The following PEX14 variants were observed in gnomAD, a reference collection of about 807,000 sequenced individuals.
PEX14 encodes peroxisomal biogenesis factor 14.
A neutral mutation model predicts 49.5 loss-of-function variants in PEX14; 15 were observed. The ratio of observed to expected loss-of-function variants is 0.30; its 90% CI spans 0.20 to 0.47. The LOEUF is 0.47. PEX14 is among the 20% of genes least tolerant of loss of function. The pLI, the probability that PEX14 is intolerant of heterozygous loss-of-function variation, is 1.00. For synonymous variants in PEX14, 210 were observed against 212.7 expected, an observed-to-expected ratio of 0.99 and a Z score of 0.11; for missense variants, 398 against 494.8, an observed-to-expected ratio of 0.80 and a Z score of 1.86.
At chr1:10,536,450 G>T (rs920915129) in intron 3 of PEX14, 153 bp downstream of exon 3, 13 of 667,854 alleles carry the variant, frequency 1.9e-5, no homozygotes, top group Admixed American at 1.5e-4. Context: ...CCCCCAGTGG[G>T]GCATGCAGGT....
chr1:10,593,266 A>G (rs1640723430), intron 3 of PEX14, among the ~76,000 whole-genome samples: 1 of 152,204 alleles, frequency 6.6e-6, no homozygotes, highest in Admixed American at 6.5e-5. Context: ...GCTGAGAATT[A>G]TCTTCTTGGT....
At chr1:10,479,579 A>G (rs1641250898) in intron 1 of PEX14, among the ~76,000 whole-genome samples, 1 of 152,194 alleles carries the variant, frequency 6.6e-6, no homozygotes. Context: ...GCATGGTTCA[A>G]TCTGATTACT....
chr1:10,578,175 GACTA>G (rs1408408467), intron 3 of PEX14, among the ~76,000 whole-genome samples: 1 of 152,162 alleles, frequency 6.6e-6, no homozygotes, highest in African/African-American at 2.4e-5. Context: ...TCACATGCTA[GACTA>G]ACTGCTGAAC....
At chr1:10,598,049 G>A (rs1382367490) in intron 3 of PEX14, among the ~76,000 whole-genome samples, 1 of 152,272 alleles carries the variant, frequency 6.6e-6, no homozygotes, top group Non-Finnish European at 1.5e-5. Context: ...CTACCCCCAG[G>A]GGCAAATATA....
At chr1:10,483,775 A>G (rs560925726) in intron 1 of PEX14, among the ~76,000 whole-genome samples, 1 of 151,710 alleles carries the variant, frequency 6.6e-6, no homozygotes, top group Admixed American at 6.6e-5. Flanking sequence ...AAACCTGTGT[A>G]ACCACCACTG....
intron 3 of PEX14, among the ~76,000 whole-genome samples, chr1:10,573,316 G>T (rs1049399661): frequency 2.0e-5 from 3 of 152,168 alleles, no homozygotes; most frequent in East Asian, 1.9e-4. Context: ...AAGTATACAG[G>T]CTGGGCGCAG....
rs146984274 is a variant in PEX14 at position 10,545,134 on chromosome 1, C to T, written c.169+8837C>T. Among the ~76,000 whole-genome samples the T allele has an allele frequency of 4.9e-3, 743 of 152,132 alleles. 8 individuals carry two copies. The highest frequency in any genetic ancestry group is 0.017 in the African/African-American group (707 of 41,494). On this transcript the variant is annotated intron_variant, in intron 3 of 8. Coordinates refer to ENST00000356607, the MANE Select transcript of PEX14 (RefSeq NM_004565.3). The stretch of plus-strand genomic sequence containing the variant: ...TGTAATTTTTTTTGTTCTGGCTTTT[C>T]CACTCAGCATAATTACTTTGAAGTT...
At chr1:10,622,023 C>T (rs900512571) in intron 5 of PEX14, among the ~76,000 whole-genome samples, 2 of 152,166 alleles carry the variant, frequency 1.3e-5, no homozygotes, top group South Asian at 4.2e-4. Flanking sequence ...GGGTCTCACT[C>T]CTCACCTGGG....
At chr1:10,546,843 T>C (rs1639191117) in intron 3 of PEX14, among the ~76,000 whole-genome samples, 1 of 152,022 alleles carries the variant, frequency 6.6e-6, no homozygotes, top group Admixed American at 6.6e-5. Context: ...CACTCCAGCC[T>C]GGGTGACAGA....
intron 4 of PEX14, among the ~76,000 whole-genome samples, chr1:10,607,373 T>C (rs1237385730): frequency 6.6e-6 from 1 of 152,248 alleles, no homozygotes; most frequent in African/African-American, 2.4e-5. Flanking sequence ...TACAAGTCTT[T>C]GTATGTTTTT....
At chr1:10,553,630 G>T (rs893150704) in intron 3 of PEX14, among the ~76,000 whole-genome samples, 1 of 133,174 alleles carries the variant, frequency 7.5e-6, no homozygotes, top group Non-Finnish European at 1.7e-5. Flanking sequence ...CTCTGCCTCT[G>T]GTAAAGTCTG....
rs964230480 is a variant in PEX14, at chr1:10,539,332, A to G, written c.169+3035A>G. Among the ~76,000 whole-genome samples the G allele has an allele frequency of 1.3e-5, 2 of 152,164 alleles. No individual in the cohort carries two copies. The highest frequency in any genetic ancestry group is 2.9e-5 in the Non-Finnish European group (2 of 68,018). On this transcript the variant is annotated intron_variant, in intron 3 of 8. Coordinates refer to ENST00000356607, the MANE Select transcript of PEX14 (RefSeq NM_004565.3). This position sits in a 1 kb window ranked among gnomAD's most constrained non-coding sequence, Gnocchi z 4.6. ...TTTAAAATCTGAACATGGAGCCATT[A>G]ATGAGAAACGTGAAGTTATTAGAAT...
At chr1:10,622,508 G>A (rs987915514) in intron 5 of PEX14, among the ~76,000 whole-genome samples, 1 of 152,156 alleles carries the variant, frequency 6.6e-6, no homozygotes, top group Non-Finnish European at 1.5e-5. Flanking sequence ...TTTCTCCAGC[G>A]ATGTTTTGTT....
intron 3 of PEX14, among the ~76,000 whole-genome samples, chr1:10,565,177 C>T (rs1639767529): frequency 6.6e-6 from 1 of 152,238 alleles, no homozygotes; most frequent in Non-Finnish European, 1.5e-5. Context: ...GCTGGGATTA[C>T]AGGCATGAGC....
chr1:10,483,320 TC>T (rs1299361160), intron 1 of PEX14, among the ~76,000 whole-genome samples: 3 of 151,998 alleles, frequency 2.0e-5, no homozygotes, highest in Non-Finnish European at 4.4e-5. Context: ...GCCAAGTTTT[TC>T]TTTTTTTCTT....
chr1:10,514,603 A>G lies in PEX14; in HGVS notation c.84+19282A>G, dbSNP rs1056910065. Among the ~76,000 whole-genome samples, 7 of 152,198 alleles carry G rather than the reference A, an allele frequency of 4.6e-5. No homozygotes were observed. Among genetic ancestry groups the G allele is most frequent in the South Asian group, 2.1e-4 (1 of 4,828 alleles). ...TCAGTTGGGATTGAACTAATAGGCCATTGGGTGTCACTGTCGCTCTACTGG... is the reference window on the plus strand; with the variant it reads ...TCAGTTGGGATTGAACTAATAGGCCGTTGGGTGTCACTGTCGCTCTACTGG... On this transcript the variant is annotated intron_variant, in intron 2 of 8. Coordinates refer to ENST00000356607, the MANE Select transcript of PEX14 (RefSeq NM_004565.3). The surrounding 1 kb of genome is among the most constrained non-coding windows in gnomAD (Gnocchi z 4.4).
chr1:10,565,675 A>C (rs1639783320), intron 3 of PEX14, among the ~76,000 whole-genome samples: 1 of 152,168 alleles, frequency 6.6e-6, no homozygotes, highest in Non-Finnish European at 1.5e-5. Context: ...TGGATTTATA[A>C]TTTTATATTC....
At position 10,604,097 on chromosome 1, in the gene PEX14, C is replaced by T. The variant is rs537838031; in HGVS notation, c.298+4731C>T. 2.6e-4 allele frequency among the ~76,000 whole-genome samples: 40 copies of T among 152,304 alleles called. No homozygotes were observed. The South Asian group carries it at 8.1e-3, about 31-fold the overall frequency. On this transcript the variant is annotated intron_variant, in intron 4 of 8. Coordinates refer to ENST00000356607, the MANE Select transcript of PEX14 (RefSeq NM_004565.3). ...CCTGGGCTAAAGAGACTAACAAGAC[C>T]TGGTCGCTCTCTCTGGTTGCTCCCG...
intron 2 of PEX14, among the ~76,000 whole-genome samples, chr1:10,499,960 A>G (rs895227676): frequency 1.3e-5 from 2 of 152,056 alleles, no homozygotes; most frequent in African/African-American, 4.8e-5. Context: ...AGGGGGTTCT[A>G]CATCATGTAT....
Sources: gnomAD v4.1 joint callset for allele counts (sites outside exome capture counted in the v4.1 genomes callset) on GRCh38, gnomAD v4.1.1 for gene constraint, Gnocchi (gnomAD v3.1) non-coding constraint, MANE v1.5 for transcripts, NCBI Gene and HGNC (gene_info 2026-07-23, HGNC 2026-07-21) for gene names.